Variants in SPEG observed in about 807,000 individuals in gnomAD.
The protein encoded by SPEG is striated muscle enriched protein kinase, also known as striated muscle preferentially expressed protein kinase.
SPEG carries 114 observed loss-of-function variants against 300.4 expected under a neutral mutation model. That is an observed-to-expected ratio of 0.38 (90% CI 0.33 to 0.44). The LOEUF is 0.44. Ranked by LOEUF, SPEG falls within the 20% of genes least tolerant of loss-of-function variation. SPEG has a pLI of 1.00. For missense variants in SPEG, 4,201 were observed against 4,586.2 expected (o/e 0.92, Z 2.43); for synonymous variants, 1,964 against 2,018.9 (o/e 0.97, Z 0.73).
At chr2:219,486,341 TGCAGGA>T in intron 31 of SPEG, among the ~76,000 whole-genome samples, 1 of 152,244 alleles carries the variant, frequency 6.6e-6, no homozygotes, top group East Asian at 1.9e-4. Context: ...CCAGGCTGTG[TGCAGGA>T]TCTTGACGAG....
chr2:219,456,458 G>A (rs1456257345), intron 6 of SPEG, among the ~76,000 whole-genome samples: 4 of 152,196 alleles, frequency 2.6e-5, no homozygotes, highest in African/African-American at 9.7e-5. Flanking sequence ...CTACCCTCCT[G>A]TCTGCCAGAA....
At chr2:219,487,105 CT>C (rs1195748314) in intron 31 of SPEG, among the ~76,000 whole-genome samples, 2 of 152,160 alleles carry the variant, frequency 1.3e-5, no homozygotes, top group Non-Finnish European at 2.9e-5. Context: ...AAGTCCTCCC[CT>C]ATCCCCACCC....
At position 219,483,144 on chromosome 2, in the gene SPEG, C is replaced by G. The variant is rs746822322; in HGVS notation, c.5681C>G (p.Pro1894Arg). Residue 1894 changes from proline to arginine, a missense_variant, in exon 30 of 41, where the codon CCC (proline) becomes CGC (arginine). Pro to Arg is a moderately radical substitution (Grantham distance 103). Transcript: ENST00000312358. ...TGCCACCTGGTGCTGCGCCCCATCC[C>G]CGAGCTGCTGCGGGCCCCCCCAGAG... ...YKCHLVLRPI[P>R]ELLRAPPERV... The G allele has an allele frequency of 1.9e-5, 30 of 1,609,204 alleles. No homozygotes were observed. The highest frequency in any genetic ancestry group is 2.4e-5 in the Non-Finnish European group (28 of 1,179,558).
intron 11 of SPEG, 45 bp from the exon 12 acceptor site, chr2:219,468,814 C>T (rs774664894): frequency 6.2e-6 from 10 of 1,606,918 alleles, no homozygotes; most frequent in Non-Finnish European, 8.5e-6. Context: ...GAGGGCAGGG[C>T]CCCTCACTGT....
Position 219,435,015 on chromosome 2 carries a change from G to C in SPEG, c.38G>C (p.Gly13Ala). 1 of 1,503,740 alleles carries C rather than the reference G, an allele frequency of 6.7e-7. No individual in the cohort carries two copies. Among genetic ancestry groups the C allele is most frequent in the Non-Finnish European group, 8.8e-7 (1 of 1,133,850 alleles). 93.1% of individuals were successfully genotyped at this position (1,503,740 alleles called of 1,614,324 possible). A position where few individuals can be genotyped will look rare whatever the true frequency, so the allele number is the denominator to read the frequency against. Residue 13 changes from glycine (G) to alanine (A), a missense_variant, in exon 1 of 41, where the codon GGC (glycine) becomes GCC (alanine). This residue lies in a region of SPEG where 1,258 missense variants were observed against 1,293.9 expected (regional missense o/e 0.97). Coordinates refer to ENST00000312358, the MANE Select transcript of SPEG (RefSeq NM_005876.5). ...KARGTRGEDA[G>A]TRAPPSPGVP... ...CGGGGCACGCGAGGCGAGGATGCGG[G>C]CACGAGGGCACCCCCCAGCCCCGGA...
intron 1 of SPEG, among the ~76,000 whole-genome samples, chr2:219,436,421 C>A (rs902277048): frequency 1.3e-5 from 2 of 152,262 alleles, no homozygotes; most frequent in African/African-American, 4.8e-5. Context: ...AAACAGAATT[C>A]TGAGGAAGTA....
At chr2:219,446,604 C>T (rs1689308978) in intron 3 of SPEG, among the ~76,000 whole-genome samples, 1 of 152,162 alleles carries the variant, frequency 6.6e-6, no homozygotes, top group African/African-American at 2.4e-5. Context: ...ATCCTTAACT[C>T]GGGACCCCTA....
At position 219,483,797 on chromosome 2, in the gene SPEG, G is replaced by A; in HGVS notation, c.6334G>A (p.Ala2112Thr). 6.4e-7 allele frequency: 1 copy of A among 1,568,722 alleles called. No individual in the cohort carries two copies. ...GATGGCACGAGCTGCCTCCAGCGAG[G>A]CAGCGCCCCACCACCAGCCCCCACT... ...PRMARAASSE[A>T]APHHQPPLEN... The change falls in exon 30 of 41, where the codon GCA becomes ACA. Residue 2112 changes from alanine (A) to threonine (T), a missense_variant. This residue lies in a region of SPEG where 1,578 missense variants were observed against 1,506.0 expected (regional missense o/e 1.05). Coordinates refer to ENST00000312358, the MANE Select transcript of SPEG (RefSeq NM_005876.5).
chr2:219,479,489 AG>A lies in SPEG; in HGVS notation c.5085+290del. Among the ~76,000 whole-genome samples the A allele has an allele frequency of 6.6e-6, 1 of 152,324 alleles. No homozygotes were observed. Among genetic ancestry groups the A allele is most frequent in the African/African-American group, 2.4e-5 (1 of 41,570 alleles). Reference sequence around the variant, plus strand: ...ACATCCCCCAAACATTTCTCCTGGAAGGAGCCCCACCTAGATTTTATTGATC... The same window carrying A: ...ACATCCCCCAAACATTTCTCCTGGAAGAGCCCCACCTAGATTTTATTGATC... On this transcript the variant is annotated intron_variant, in intron 23 of 40. Transcript: ENST00000312358. This position sits in a 1 kb window ranked among gnomAD's most constrained non-coding sequence, Gnocchi z 5.5.
chr2:219,485,070 C>T lies in SPEG; in HGVS notation c.7607C>T (p.Ser2536Leu), dbSNP rs936368445. 1 of 1,532,174 alleles carries T rather than the reference C, an allele frequency of 6.5e-7. No individual in the cohort carries two copies. 94.9% of individuals were successfully genotyped at this position (1,532,174 alleles called of 1,614,324 possible). Residue 2536 changes from serine (S) to leucine (L), a missense_variant and splice_region_variant, in exon 30 of 41, where the codon TCA becomes TTA. Ser to Leu is a moderately radical substitution (Grantham distance 145). This residue lies in a region of SPEG where 1,578 missense variants were observed against 1,506.0 expected (regional missense o/e 1.05). Transcript: ENST00000312358. ...GSEASATSGS[S>L]APGESRSRLR... Reference sequence around the variant, plus strand: ...GAGGCCAGCGCCACGTCGGGCTCCTCAGGTGAGGAGGGGCAGGGGTAGGGC... The same window carrying T: ...GAGGCCAGCGCCACGTCGGGCTCCTTAGGTGAGGAGGGGCAGGGGTAGGGC...
At chr2:219,449,306 AC>A in intron 4 of SPEG, 35 bp downstream of exon 4, 1 of 1,343,568 alleles carries the variant, frequency 7.4e-7, no homozygotes, top group Non-Finnish European at 9.6e-7. Flanking sequence ...AGGTGCCTGA[AC>A]CCCCGTCGGG....
Position 219,467,180 on chromosome 2 carries a change from C to A in SPEG, c.2888C>A (p.Pro963His). The change falls in exon 10 of 41, where the codon CCT becomes CAT. Residue 963 changes from proline (P) to histidine (H), a missense_variant. Transcript: ENST00000312358. ...CEARLEVRAH[P>H]ESRSLAVLAP... ...GTGGCTGCTTTCCCCTCAGCACACC[C>A]TGAAAGCCGGTCCCTGGCCGTGCTG... The A allele has an allele frequency of 6.3e-7, 1 of 1,577,304 alleles. No homozygotes were observed. The highest frequency in any genetic ancestry group is 8.6e-7 in the Non-Finnish European group (1 of 1,163,258).
intron 1 of SPEG, among the ~76,000 whole-genome samples, chr2:219,442,910 G>T (rs1689032160): frequency 6.6e-6 from 1 of 152,054 alleles, no homozygotes; most frequent in South Asian, 2.1e-4. Context: ...GAGCCCAGCT[G>T]GGTACCCTGG....
chr2:219,477,607 T>C lies in SPEG; in HGVS notation c.4730-82T>C. On this transcript the variant is annotated intron_variant, in intron 20 of 40. Transcript: ENST00000312358. This position sits in a 1 kb window ranked among gnomAD's most constrained non-coding sequence, Gnocchi z 6.4. ...CAACATTCTTGCACCTCTTCTCTCT[T>C]CTTCTTCTGTCCACCTGTCCCAGTC... The C allele has an allele frequency of 1.4e-6, 2 of 1,406,000 alleles. No individual in the cohort carries two copies. The highest frequency in any genetic ancestry group is 9.7e-7 in the Non-Finnish European group (1 of 1,029,528). The allele number at this position is 1,406,000 out of a possible 1,614,324, so 87.1% of individuals were successfully genotyped here.
Position 219,484,609 on chromosome 2 carries a change from G to T in SPEG, c.7146G>T (p.Leu2382=). The change falls in exon 30 of 41, where the codon CTG becomes CTT. Residue 2382 remains leucine, a synonymous_variant. Coordinates refer to ENST00000312358, the MANE Select transcript of SPEG (RefSeq NM_005876.5). ...GGCCCAGCCCGGCGGGGACCCCGCT[G>T]GAGCTGGTGCGACGGCCTGAGCGCT... is the stretch of plus-strand genomic sequence containing the variant. ...IYRPSPAGTP[L]ELVRRPERSR... is the part of the protein sequence containing the mutation. The T allele has an allele frequency of 6.4e-7, 1 of 1,558,352 alleles. No individual in the cohort carries two copies. Among genetic ancestry groups the T allele is most frequent in the Non-Finnish European group, 8.6e-7 (1 of 1,156,160 alleles).
chr2:219,474,548 G>C (rs1275112573), intron 18 of SPEG, among the ~76,000 whole-genome samples: 1 of 152,158 alleles, frequency 6.6e-6, no homozygotes, highest in Non-Finnish European at 1.5e-5. Flanking sequence ...AGAGTAACTG[G>C]CCCAAGTTCA....
At position 219,434,941 on chromosome 2, in the gene SPEG, C is replaced by T. The variant is rs1431925633; in HGVS notation, c.-37C>T. 6 of 1,460,856 alleles carry T rather than the reference C, an allele frequency of 4.1e-6. No individual in the cohort carries two copies. The highest frequency in any genetic ancestry group is 5.4e-6 in the Non-Finnish European group (6 of 1,115,914). The allele number at this position is 1,460,856 out of a possible 1,614,324, so 90.5% of individuals were successfully genotyped here. On this transcript the variant is annotated 5_prime_UTR_variant, in exon 1 of 41. Transcript: ENST00000312358. ...TCCCGCGGGTGCCCCCGTGGCCGCC[C>T]AGTTCCGGCGTCCCCCCAGCCCAGC...
In SPEG at chr2:219,484,160, C is replaced by G. The variant is rs587777672; in HGVS notation, c.6697C>G (p.Gln2233Glu). The G allele has an allele frequency of 4.1e-5, 66 of 1,613,608 alleles. No homozygotes were observed. Among genetic ancestry groups the G allele is most frequent in the Non-Finnish European group, 5.2e-5 (61 of 1,179,986 alleles). Residue 2233 changes from glutamine (Q) to glutamate (E), a missense_variant, in exon 30 of 41, where the codon CAG (glutamine) becomes GAG (glutamate). Transcript: ENST00000312358. The stretch of plus-strand genomic sequence containing the variant: ...AGCCTCCAAGCCTGCACCACCCCCC[C>G]AGGCCCTGCAAACCCTAGCGCTGCC... The part of the protein sequence containing the change: ...VRASKPAPPP[Q>E]ALQTLALPLT...
chr2:219,479,900 C>T lies in SPEG; in HGVS notation c.5163+40C>T, dbSNP rs1022130995. Reference sequence around the variant, plus strand: ...GGAGAGCAGACAGCCCCTGTGGGAGCCAGGAGGTGAAGCATCCTTCCTTGT... The same window carrying T: ...GGAGAGCAGACAGCCCCTGTGGGAGTCAGGAGGTGAAGCATCCTTCCTTGT... On this transcript the variant is annotated intron_variant, in intron 24 of 40. Coordinates refer to ENST00000312358, the MANE Select transcript of SPEG (RefSeq NM_005876.5). This position sits in a 1 kb window ranked among gnomAD's most constrained non-coding sequence, Gnocchi z 5.5. 1.9e-6 allele frequency: 3 copies of T among 1,613,942 alleles called. No homozygotes were observed. Among genetic ancestry groups the T allele is most frequent in the Non-Finnish European group, 2.5e-6 (3 of 1,179,830 alleles).
Sources: allele counts gnomAD v4.1 joint callset (sites outside exome capture counted in the v4.1 genomes callset), GRCh38; gene constraint gnomAD v4.1.1; regional missense constraint gnomAD v4.1.1; non-coding constraint Gnocchi (gnomAD v3.1); transcripts MANE v1.5; gene names NCBI Gene and HGNC (gene_info 2026-07-23, HGNC 2026-07-21).